CTNNA2: variants seen among roughly 807,000 people sequenced by gnomAD.
The protein encoded by CTNNA2 is catenin alpha-2.
A neutral mutation model predicts 101.0 loss-of-function variants in CTNNA2; 42 were observed. The ratio of observed to expected loss-of-function variants is 0.42; its 90% CI spans 0.32 to 0.54. The LOEUF is 0.54. Ranked by LOEUF, CTNNA2 falls within the 20% of genes least tolerant of loss-of-function variation. The pLI is 0.14. For missense variants in CTNNA2, 871 were observed against 1,223.1 expected, an observed-to-expected ratio of 0.71 and a Z score of 4.29; for synonymous variants, 450 against 456.4, an observed-to-expected ratio of 0.99 and a Z score of 0.18.
chr2:80,468,813 C>G (rs1371519181), intron 9 of CTNNA2, among the ~76,000 whole-genome samples: 1 of 152,186 alleles, frequency 6.6e-6, no homozygotes, highest in Non-Finnish European at 1.5e-5. Context: ...ACAGGGCCTG[C>G]TCACTAGTAA....
intron 7 of CTNNA2, among the ~76,000 whole-genome samples, chr2:80,128,842 C>T (rs1702266739): frequency 6.6e-6 from 1 of 152,148 alleles, no homozygotes; most frequent in African/African-American, 2.4e-5. Context: ...AGGCCATTTT[C>T]AAGTGGAAAA....
intron 3 of CTNNA2, among the ~76,000 whole-genome samples, chr2:79,825,294 T>A (rs1031602581): frequency 6.6e-6 from 1 of 152,082 alleles, no homozygotes; most frequent in African/African-American, 2.4e-5. Flanking sequence ...GACTTTAAAG[T>A]GATGATGCTG....
chr2:79,842,834 A>G (rs931970162), intron 3 of CTNNA2, among the ~76,000 whole-genome samples: 1 of 151,982 alleles, frequency 6.6e-6, no homozygotes, highest in Non-Finnish European at 1.5e-5. Context: ...CTGTTATTGT[A>G]TTTTACATCA....
intron 1 of CTNNA2, among the ~76,000 whole-genome samples, chr2:79,563,179 A>T (rs1470311710): frequency 1.1e-5 from 1 of 95,222 alleles, no homozygotes; most frequent in Admixed American, 1.0e-4. Flanking sequence ...ATATATATAT[A>T]TATATATATT....
chr2:80,382,320 G>A (rs1676586357), intron 7 of CTNNA2, among the ~76,000 whole-genome samples: 1 of 151,908 alleles, frequency 6.6e-6, no homozygotes, highest in Non-Finnish European at 1.5e-5. Flanking sequence ...GTAATGGTCT[G>A]ACACTTTCCT....
At chr2:80,157,880 GCACTCC>G (rs1558861101) in intron 7 of CTNNA2, among the ~76,000 whole-genome samples, 2 of 152,112 alleles carry the variant, frequency 1.3e-5, no homozygotes, top group Admixed American at 1.3e-4. Flanking sequence ...GCTGGGGGCA[GCACTCC>G]CCAATCAAAG....
chr2:79,372,205 A>G (rs1200408957), intron 3 of CTNNA2, among the ~76,000 whole-genome samples: 1 of 152,098 alleles, frequency 6.6e-6, no homozygotes, highest in South Asian at 2.1e-4. Flanking sequence ...GCAGGGAGCT[A>G]TACTGAGTGC....
chr2:80,126,622 C>CCTTCCTTCCTTCCTTCCTT (rs1702136386), intron 7 of CTNNA2, among the ~76,000 whole-genome samples: 23 of 54,244 alleles, frequency 4.2e-4, no homozygotes, highest in Non-Finnish European at 7.2e-4. Flanking sequence ...CTCCCTCCCT[C>CCTTCCTTCCTTCCTTCCTT]CCTCCCTCCC....
chr2:79,645,989 T>A (rs1406902969), intron 1 of CTNNA2, among the ~76,000 whole-genome samples: 2 of 152,122 alleles, frequency 1.3e-5, no homozygotes, highest in Admixed American at 1.3e-4. Flanking sequence ...GTGCCCAGTA[T>A]TGGTGAAGAA....
chr2:79,807,345 T>G (rs1306002747), intron 3 of CTNNA2, among the ~76,000 whole-genome samples: 1 of 152,170 alleles, frequency 6.6e-6, no homozygotes, highest in Admixed American at 6.5e-5. Context: ...TAAAGTGATG[T>G]TTATGGAGGG....
chr2:80,566,294 T>C (rs1694058097), intron 12 of CTNNA2, among the ~76,000 whole-genome samples: 1 of 152,140 alleles, frequency 6.6e-6, no homozygotes, highest in South Asian at 2.1e-4. Flanking sequence ...TGGCATCCCA[T>C]CTTTTTTTGC....
At chr2:80,301,935 T>A in intron 7 of CTNNA2, 1 of 232,384 alleles carries the variant, frequency 4.3e-6, no homozygotes. Context: ...AAAAAATCAA[T>A]GATTGGTACC....
At chr2:79,343,655 G>C (rs1038274206) in intron 3 of CTNNA2, among the ~76,000 whole-genome samples, 2 of 152,022 alleles carry the variant, frequency 1.3e-5, no homozygotes, top group Non-Finnish European at 2.9e-5. Context: ...TCAGGGATTT[G>C]GATTGCAGGA....
rs115316717 is a variant in CTNNA2, at chr2:80,313,755, A to G, written c.1057-79456A>G. ...TTTCCAAAATGTGAGTACAAGGAAT[A>G]TAATTCTGATGACTCCCTTGAACAT... On this transcript the variant is annotated intron_variant, in intron 7 of 18. Transcript: ENST00000402739. 713 of 849,574 alleles carry G rather than the reference A, an allele frequency of 8.4e-4. 5 individuals carry two copies. In the African/African-American group the frequency reaches 9.9e-3, roughly 12 times the overall value. 52.6% of individuals were successfully genotyped at this position (849,574 alleles called of 1,614,324 possible). A position where few individuals can be genotyped will look rare whatever the true frequency, so the allele number is the denominator to read the frequency against.
chr2:80,501,571 T>C (rs1161793048), intron 9 of CTNNA2, among the ~76,000 whole-genome samples: 1 of 152,192 alleles, frequency 6.6e-6, no homozygotes, highest in Non-Finnish European at 1.5e-5. Context: ...GAAGCTGCCA[T>C]ATCATACCTT....
At chr2:79,897,108 A>G (rs1684768687) in intron 6 of CTNNA2, among the ~76,000 whole-genome samples, 1 of 152,166 alleles carries the variant, frequency 6.6e-6, no homozygotes, top group East Asian at 1.9e-4. Context: ...TGAAAATGCA[A>G]CTCATTGCTT....
chr2:80,621,571 A>G (rs1216525499), intron 18 of CTNNA2, among the ~76,000 whole-genome samples: 1 of 151,984 alleles, frequency 6.6e-6, no homozygotes, highest in East Asian at 1.9e-4. Context: ...TTCATGTTTT[A>G]ACTCCATACC....
rs147312178 is a variant in CTNNA2 at position 80,641,157 on chromosome 2, G to A, written c.2575-6428G>A. Among the ~76,000 whole-genome samples, 567 of 152,192 alleles carry A rather than the reference G, an allele frequency of 3.7e-3. 6 individuals are homozygous for A. Among genetic ancestry groups the A allele is most frequent in the African/African-American group, 0.013 (539 of 41,512 alleles). On this transcript the variant is annotated intron_variant, in intron 18 of 18. Transcript: ENST00000402739. ...AAATGGAACTGGTTCCTTCTTCCAGGCATTTCTAAGCCATTTGAAGTAATC... is the reference window on the plus strand; with the variant it reads ...AAATGGAACTGGTTCCTTCTTCCAGACATTTCTAAGCCATTTGAAGTAATC...
intron 7 of CTNNA2, among the ~76,000 whole-genome samples, chr2:80,052,844 A>G (rs187481796): frequency 6.6e-6 from 1 of 152,336 alleles, no homozygotes; most frequent in Admixed American, 6.5e-5. Flanking sequence ...TCAAGGAAGC[A>G]GCTTCGGAGG....
Sources: gnomAD v4.1 joint callset for allele counts (sites outside exome capture counted in the v4.1 genomes callset) on GRCh38, gnomAD v4.1.1 for gene constraint, MANE v1.5 for transcripts, NCBI Gene and HGNC (gene_info 2026-07-23, HGNC 2026-07-21) for gene names.